Variants in FBXO38 observed in about 807,000 individuals in gnomAD.
FBXO38 encodes the protein F-box only protein 38.
Under a neutral mutation model 131.9 loss-of-function variants are expected in FBXO38, and 53 were observed. The observed-to-expected ratio is 0.40, with a 90% CI of 0.32 to 0.51. The LOEUF (loss-of-function observed/expected upper bound fraction) is 0.51. Ranked by LOEUF, FBXO38 falls within the 20% of genes least tolerant of loss-of-function variation. FBXO38 has a pLI of 0.53. For synonymous variants in FBXO38, 452 were observed against 505.6 expected, an observed-to-expected ratio of 0.89 and a Z score of 1.42; for missense variants, 1,076 against 1,475.6, an observed-to-expected ratio of 0.73 and a Z score of 4.44.
intron 2 of FBXO38, among the ~76,000 whole-genome samples, chr5:148,396,891 C>A (rs1758510127): frequency 6.6e-6 from 1 of 152,142 alleles, no homozygotes; most frequent in African/African-American, 2.4e-5. Flanking sequence ...CATGCATACA[C>A]CACCACACCT....
chr5:148,395,725 A>G (rs1758446499), intron 2 of FBXO38, among the ~76,000 whole-genome samples: 3 of 152,116 alleles, frequency 2.0e-5, no homozygotes, highest in Admixed American at 2.0e-4. Context: ...ATGCTTGGTA[A>G]ATGTTAATGG....
chr5:148,392,150 A>G (rs1758228520), intron 1 of FBXO38, among the ~76,000 whole-genome samples: 1 of 152,088 alleles, frequency 6.6e-6, no homozygotes, highest in Non-Finnish European at 1.5e-5. Context: ...CTTTTCCTCG[A>G]CCCTGAGGAT....
At chr5:148,406,233 T>G in intron 6 of FBXO38, 24 bp from the exon 7 acceptor site, 2 of 1,550,388 alleles carry the variant, frequency 1.3e-6, no homozygotes, top group South Asian at 2.5e-5. Context: ...CATTGTTCTA[T>G]CAAAGATTTT....
intron 18 of FBXO38, 85 bp from the exon 19 acceptor site, chr5:148,439,562 C>G: frequency 7.8e-7 from 1 of 1,274,196 alleles, no homozygotes; most frequent in Non-Finnish European, 1.1e-6. Context: ...ACTGAAGGTC[C>G]ATGGAAAGAT....
chr5:148,413,666 C>T (rs1000815172), intron 9 of FBXO38: 2 of 152,586 alleles, frequency 1.3e-5, no homozygotes, highest in East Asian at 3.8e-4. Context: ...TGTTACTAAC[C>T]AGTGCCATGG....
intron 12 of FBXO38, among the ~76,000 whole-genome samples, chr5:148,420,556 G>C (rs1225248307): frequency 6.6e-6 from 1 of 152,172 alleles, no homozygotes; most frequent in African/African-American, 2.4e-5. Context: ...TTAAAGCATA[G>C]TTTTACCTGT....
intron 15 of FBXO38, among the ~76,000 whole-genome samples, chr5:148,432,549 A>G (rs1241501694): frequency 6.6e-6 from 1 of 152,230 alleles, no homozygotes; most frequent in Non-Finnish European, 1.5e-5. Flanking sequence ...CAATAAATCC[A>G]TCTCAGAGCT....
chr5:148,419,364 CAT>C (rs774372025), intron 12 of FBXO38, among the ~76,000 whole-genome samples: 27 of 152,014 alleles, frequency 1.8e-4, no homozygotes, highest in African/African-American at 5.3e-4. Flanking sequence ...CACACACACA[CAT>C]ATAAGTTAGA....
chr5:148,396,406 C>T (rs958261039), intron 2 of FBXO38, among the ~76,000 whole-genome samples: 2 of 151,990 alleles, frequency 1.3e-5, no homozygotes, highest in African/African-American at 4.8e-5. Context: ...GTTGTATTCA[C>T]ATCAGTGAGG....
At position 148,427,863 on chromosome 5, in the gene FBXO38, G is replaced by A. The variant is rs138241889; in HGVS notation, c.2569G>A (p.Val857Met). 157 of 1,585,988 alleles carry A rather than the reference G, an allele frequency of 9.9e-5. No individual in the cohort carries two copies. Among genetic ancestry groups the A allele is most frequent in the Admixed American group, 7.2e-4 (41 of 56,878 alleles). The change falls in exon 15 of 22, where the codon GTG becomes ATG. Residue 857 changes from valine (V) to methionine (M), a missense_variant. This residue lies in a region of FBXO38 where 213 missense variants were observed against 225.2 expected (regional missense o/e 0.95). Coordinates refer to ENST00000340253, the MANE Select transcript of FBXO38 (RefSeq NM_205836.3). ...GAGCTCCCAGCCTGAGAGTTGTGAC[G>A]TGCAGTCTAATGAAGACTACCCTCG... ...RGSSQPESCD[V>M]QSNEDYPRRP...
At chr5:148,395,109 A>G (rs533001554) in intron 2 of FBXO38, among the ~76,000 whole-genome samples, 6 of 152,326 alleles carry the variant, frequency 3.9e-5, no homozygotes, top group African/African-American at 1.4e-4. Flanking sequence ...TGTATAGGAC[A>G]ACAGAGTATA....
At chr5:148,395,990 A>G (rs559257474) in intron 2 of FBXO38, among the ~76,000 whole-genome samples, 2 of 152,276 alleles carry the variant, frequency 1.3e-5, no homozygotes, top group African/African-American at 4.8e-5. Context: ...TTGAATTTCT[A>G]CAAATGAATA....
chr5:148,436,811 A>G (rs1754369670), intron 17 of FBXO38, among the ~76,000 whole-genome samples: 1 of 152,322 alleles, frequency 6.6e-6, no homozygotes, highest in East Asian at 1.9e-4. Context: ...ACTTTTCTCT[A>G]TCCCAGCCAA....
chr5:148,393,234 T>A (rs191754925), intron 1 of FBXO38, among the ~76,000 whole-genome samples: 10 of 144,410 alleles, frequency 6.9e-5, no homozygotes, highest in South Asian at 4.4e-4. Context: ...TGTGTGTGTG[T>A]GATGAGAGGC....
At chr5:148,410,557 A>G (rs1350383367) in intron 8 of FBXO38, 78 bp from the exon 9 acceptor site, 15 of 1,536,024 alleles carry the variant, frequency 9.8e-6, no homozygotes, top group Non-Finnish European at 1.3e-5. Flanking sequence ...AAACGGACTA[A>G]TACACTTATA....
intron 1 of FBXO38, among the ~76,000 whole-genome samples, chr5:148,391,648 A>G (rs1318865657): frequency 6.6e-6 from 1 of 152,220 alleles, no homozygotes; most frequent in African/African-American, 2.4e-5. Flanking sequence ...AGATTGGAAC[A>G]TCTGGTGTTT....
At chr5:148,432,625 G>T (rs80266953) in intron 15 of FBXO38, among the ~76,000 whole-genome samples, 1 of 152,166 alleles carries the variant, frequency 6.6e-6, no homozygotes, top group East Asian at 1.9e-4. Context: ...CACAGTAAGC[G>T]CTCAGTAAAT....
At chr5:148,384,678 A>C (rs990615111) in intron 1 of FBXO38, 2 of 152,210 alleles carry the variant, frequency 1.3e-5, no homozygotes, top group Non-Finnish European at 2.9e-5. Context: ...GAGTCTTTAC[A>C]GACCTGAAAA....
intron 1 of FBXO38, among the ~76,000 whole-genome samples, chr5:148,387,474 TATAACCACAG>T (rs1439368360): frequency 6.6e-6 from 1 of 152,164 alleles, no homozygotes; most frequent in East Asian, 1.9e-4. Flanking sequence ...CTGCTCCTCC[TATAACCACAG>T]AAGTCTTGAA....
Sources: allele counts gnomAD v4.1 joint callset (sites outside exome capture counted in the v4.1 genomes callset), GRCh38; gene constraint gnomAD v4.1.1; regional missense constraint gnomAD v4.1.1; transcripts MANE v1.5; gene names NCBI Gene and HGNC (gene_info 2026-07-23, HGNC 2026-07-21).